Variants in RTL9 observed in about 807,000 individuals in gnomAD.
RTL9 encodes retrotransposon Gag like 9.
RTL9 carries 19 observed loss-of-function variants against 44.7 expected under a neutral mutation model. The observed-to-expected ratio is 0.42, with a 90% CI of 0.30 to 0.62. RTL9 has a LOEUF of 0.62. Ranked by LOEUF, RTL9 falls within the 20% of genes least tolerant of loss-of-function variation. The pLI is 0.16. For synonymous variants in RTL9, 407 were observed against 398.9 expected (o/e 1.02, Z -0.24); for missense variants, 1,105 against 1,080.6 (o/e 1.02, Z -0.32).
rs138688155 is a variant in RTL9 at position 110,441,740 on chromosome X, C to T, written c.-167-3413C>T. On this transcript the variant is annotated intron_variant, in intron 1 of 3. Transcript: ENST00000465301. ...GTTTTGCCACCAAATGAGCTTGCCA[C>T]AGAATTTCAGTTTTCAGAAGCTTTG... 5.1e-3 allele frequency among the ~76,000 whole-genome samples: 570 copies of T among 111,849 alleles called. 5 individuals are homozygous for T. The highest frequency in any genetic ancestry group is 0.018 in the African/African-American group (556 of 30,756).
intron 1 of RTL9, among the ~76,000 whole-genome samples, chrX:110,400,226 G>T (rs2068555167): frequency 9.5e-6 from 1 of 105,204 alleles, no homozygotes; most frequent in Admixed American, 1.1e-4. Context: ...TAGATATCTT[G>T]TATGCCAGAT....
intron 1 of RTL9, among the ~76,000 whole-genome samples, chrX:110,398,618 ACAG>A (rs1442542619): frequency 8.9e-6 from 1 of 111,998 alleles, no homozygotes; most frequent in Non-Finnish European, 1.9e-5. Flanking sequence ...GAACTAGGAC[ACAG>A]CAGAAGAAAC....
intron 1 of RTL9, among the ~76,000 whole-genome samples, chrX:110,370,185 C>T: frequency 9.0e-6 from 1 of 111,336 alleles, no homozygotes. Context: ...CTGTCTCTCT[C>T]TTTTTAAAAT....
At chrX:110,405,100 C>CCA (rs1556161757) in intron 1 of RTL9, among the ~76,000 whole-genome samples, 3 of 100,222 alleles carry the variant, frequency 3.0e-5, no homozygotes, top group East Asian at 3.2e-4. Context: ...CCCCCCCCCC[C>CCA]CAAGCATGAG....
At chrX:110,391,681 G>T (rs1353764062) in intron 1 of RTL9, among the ~76,000 whole-genome samples, 2 of 111,987 alleles carry the variant, frequency 1.8e-5, no homozygotes, top group African/African-American at 6.5e-5. Context: ...AGGCATCTAA[G>T]TTGTCTTTAG....
At chrX:110,365,573 T>C (rs17003968) in intron 1 of RTL9, among the ~76,000 whole-genome samples, 8,513 of 111,674 alleles carry the variant, frequency 0.076, 703 homozygotes, top group African/African-American at 0.25. Flanking sequence ...AATGCAATAA[T>C]CTCTCTCTAA....
chrX:110,372,379 C>T (rs912898190), intron 1 of RTL9, among the ~76,000 whole-genome samples: 8 of 112,317 alleles, frequency 7.1e-5, no homozygotes, highest in Admixed American at 1.9e-4. Context: ...TCTTCACATC[C>T]GTGCTGGAAG....
At chrX:110,401,489 C>T (rs963693075) in intron 1 of RTL9, among the ~76,000 whole-genome samples, 1 of 111,683 alleles carries the variant, frequency 9.0e-6, no homozygotes, top group African/African-American at 3.3e-5. Context: ...TTCCAGAGCA[C>T]ATATTATATT....
At chrX:110,453,588 T>C (rs921473179) in exon 1 of RTL9, 2 of 1,212,047 alleles carry the variant, frequency 1.7e-6, no homozygotes, top group Non-Finnish European at 2.2e-6. Context: ...AACGTCCACA[T>C]TGCAAACCAG....
chrX:110,387,144 A>G (rs2068461494), intron 1 of RTL9, among the ~76,000 whole-genome samples: 1 of 111,852 alleles, frequency 8.9e-6, no homozygotes, highest in South Asian at 3.8e-4. Context: ...AGAGAAAAAA[A>G]TATTGACTGT....
At chrX:110,448,070 A>C (rs1453019398), upstream of RTL9, among the ~76,000 whole-genome samples, 1 of 112,220 alleles carries the variant, frequency 8.9e-6, no homozygotes, top group Non-Finnish European at 1.9e-5. Flanking sequence ...TCTGAAATCC[A>C]TGGAGCCTTT....
intron 1 of RTL9, among the ~76,000 whole-genome samples, chrX:110,365,338 T>A (rs899570320): frequency 2.7e-5 from 3 of 112,297 alleles, no homozygotes; most frequent in African/African-American, 9.7e-5. Context: ...TCTGGTGAAA[T>A]CAGGCTTCCA....
chrX:110,368,147 T>C (rs1223004467), intron 1 of RTL9, among the ~76,000 whole-genome samples: 1 of 109,890 alleles, frequency 9.1e-6, no homozygotes, highest in Non-Finnish European at 1.9e-5. Flanking sequence ...GGCCTAAAAG[T>C]ATATTTAGAA....
chrX:110,395,001 G>A (rs1398473407), intron 1 of RTL9, among the ~76,000 whole-genome samples: 1 of 112,719 alleles, frequency 8.9e-6, no homozygotes, highest in Non-Finnish European at 1.9e-5. Context: ...ATCTGGAACT[G>A]TTACAGGGCC....
At chrX:110,421,882 T>C (rs2068719775) in intron 1 of RTL9, among the ~76,000 whole-genome samples, 1 of 112,841 alleles carries the variant, frequency 8.9e-6, no homozygotes, top group East Asian at 2.8e-4. Flanking sequence ...ACTGAAGGGA[T>C]GGAGTGGCTT....
chrX:110,423,342 G>A (rs866998624), intron 1 of RTL9, among the ~76,000 whole-genome samples: 2 of 107,230 alleles, frequency 1.9e-5, no homozygotes, highest in African/African-American at 6.9e-5. Context: ...AAAAAAAAAA[G>A]AAAAAGAAAA....
rs932806850 is a variant in RTL9 at position 110,410,790 on chromosome X, C to T, written c.-167-34363C>T. 8.1e-5 allele frequency among the ~76,000 whole-genome samples: 9 copies of T among 111,593 alleles called. No individual in the cohort carries two copies. In the South Asian group the frequency reaches 1.9e-3, roughly 23 times the overall value. ...ATAACCTTTTGGATCCTAGATATGT[C>T]GTAGCTGGGGCCTTGGGACAAGTCC... On this transcript the variant is annotated intron_variant, in intron 1 of 2. Transcript: ENST00000520821.
intron 1 of RTL9, among the ~76,000 whole-genome samples, chrX:110,423,025 G>A (rs1428380054): frequency 8.9e-6 from 1 of 111,905 alleles, no homozygotes; most frequent in African/African-American, 3.2e-5. Context: ...TACCCTTCAC[G>A]CTCATAAAGA....
intron 1 of RTL9, among the ~76,000 whole-genome samples, chrX:110,386,533 T>C (rs1283246764): frequency 9.0e-6 from 1 of 111,241 alleles, no homozygotes; most frequent in Non-Finnish European, 1.9e-5. Context: ...TTAAATTGGG[T>C]TGTCATTTTA....
Sources: gnomAD v4.1 joint callset for allele counts (sites outside exome capture counted in the v4.1 genomes callset) on GRCh38, gnomAD v4.1.1 for gene constraint, MANE v1.5 for transcripts, NCBI Gene and HGNC (gene_info 2026-07-23, HGNC 2026-07-21) for gene names.